The following DIAPH2 variants were observed in gnomAD, a reference collection of about 807,000 sequenced individuals.
DIAPH2 encodes protein diaphanous homolog 2.
A neutral mutation model predicts 92.7 loss-of-function variants in DIAPH2; 35 were observed. The observed-to-expected ratio is 0.38, with a 90% CI of 0.29 to 0.50. The LOEUF (loss-of-function observed/expected upper bound fraction) is 0.50, where lower values mean the gene tolerates loss of function less well. Ranked by LOEUF, DIAPH2 falls within the 20% of genes least tolerant of loss-of-function variation. The pLI, the probability that DIAPH2 is intolerant of heterozygous loss-of-function variation, is 0.94. For synonymous variants in DIAPH2, 301 were observed against 280.4 expected, an observed-to-expected ratio of 1.07 and a Z score of -0.73; for missense variants, 701 against 819.5, an observed-to-expected ratio of 0.86 and a Z score of 1.77.
intron 21 of DIAPH2, among the ~76,000 whole-genome samples, chrX:97,126,248 A>G (rs909438371): frequency 8.9e-6 from 1 of 111,856 alleles, no homozygotes; most frequent in African/African-American, 3.2e-5. Flanking sequence ...CATAGCTACC[A>G]TGACTAAGTT....
chrX:97,010,192 C>T (rs1002579382), intron 17 of DIAPH2, among the ~76,000 whole-genome samples: 1 of 111,701 alleles, frequency 9.0e-6, no homozygotes, highest in Non-Finnish European at 1.9e-5. Flanking sequence ...CTGAGTTCTA[C>T]CCCATATTGC....
At chrX:97,084,392 C>T (rs1022582964) in intron 19 of DIAPH2, among the ~76,000 whole-genome samples, 1 of 111,780 alleles carries the variant, frequency 8.9e-6, no homozygotes, top group African/African-American at 3.2e-5. Flanking sequence ...AGGAACAGTA[C>T]AGTTACAATT....
At chrX:97,150,160 G>C (rs1266155979) in intron 22 of DIAPH2, among the ~76,000 whole-genome samples, 1 of 111,664 alleles carries the variant, frequency 9.0e-6, no homozygotes, top group African/African-American at 3.3e-5. Context: ...GATAAGCTCA[G>C]GAAAATGTAT....
intron 23 of DIAPH2, among the ~76,000 whole-genome samples, chrX:97,336,345 C>T (rs780669186): frequency 9.4e-6 from 1 of 106,162 alleles, no homozygotes; most frequent in South Asian, 4.4e-4. Flanking sequence ...CCCGGGTTCA[C>T]GCCGGTTCTC....
intron 24 of DIAPH2, among the ~76,000 whole-genome samples, chrX:97,374,409 C>T (rs2069479531): frequency 8.9e-6 from 1 of 111,843 alleles, no homozygotes; most frequent in East Asian, 2.8e-4. Context: ...TACTGAGGCA[C>T]CTAACTACTT....
At chrX:97,141,984 C>T (rs765002166) in intron 22 of DIAPH2, among the ~76,000 whole-genome samples, 190 bp downstream of exon 22, 1 of 111,945 alleles carries the variant, frequency 8.9e-6, no homozygotes, top group South Asian at 3.7e-4. Flanking sequence ...TTTTGTCTTA[C>T]ATCATTTTTT....
intron 17 of DIAPH2, among the ~76,000 whole-genome samples, chrX:97,001,157 T>C (rs2066141034): frequency 8.9e-6 from 1 of 112,084 alleles, no homozygotes; most frequent in African/African-American, 3.2e-5. Context: ...TGTTTCTAGC[T>C]TTTTGAAGGT....
chrX:97,439,892 G>A (rs2070235698), intron 26 of DIAPH2, among the ~76,000 whole-genome samples: 1 of 111,404 alleles, frequency 9.0e-6, no homozygotes, highest in African/African-American at 3.3e-5. Flanking sequence ...GGAAGCAGGT[G>A]GTCGAATAGG....
chrX:97,550,183 A>T (rs2082971793), intron 26 of DIAPH2, among the ~76,000 whole-genome samples: 1 of 111,184 alleles, frequency 9.0e-6, no homozygotes, highest in Non-Finnish European at 1.9e-5. Context: ...ACACGATGAA[A>T]CCTTGTCTCT....
At chrX:96,747,075 A>G (rs1430395404) in intron 3 of DIAPH2, among the ~76,000 whole-genome samples, 1 of 111,883 alleles carries the variant, frequency 8.9e-6, no homozygotes, top group Non-Finnish European at 1.9e-5. Flanking sequence ...TACATTGAGT[A>G]TACTGCTTAG....
At chrX:97,053,168 G>A (rs2066532507) in intron 17 of DIAPH2, among the ~76,000 whole-genome samples, 1 of 110,632 alleles carries the variant, frequency 9.0e-6, no homozygotes, top group East Asian at 2.8e-4. Context: ...GGTTTCTATT[G>A]CCCCATACTT....
chrX:97,349,123 C>T (rs1342912706), intron 24 of DIAPH2, among the ~76,000 whole-genome samples: 3 of 100,061 alleles, frequency 3.0e-5, no homozygotes, highest in Non-Finnish European at 6.0e-5. Flanking sequence ...GAATCTTGCT[C>T]TGTTGCCCAG....
At chrX:97,579,485 C>T (rs1398013299) in intron 26 of DIAPH2, among the ~76,000 whole-genome samples, 2 of 110,912 alleles carry the variant, frequency 1.8e-5, no homozygotes, top group Non-Finnish European at 3.8e-5. Context: ...TGTAGATAGG[C>T]GGCGTTATTT....
At chrX:96,716,063 A>T (rs963987707) in intron 1 of DIAPH2, among the ~76,000 whole-genome samples, 1 of 111,362 alleles carries the variant, frequency 9.0e-6, no homozygotes, top group East Asian at 2.8e-4. Flanking sequence ...CCTTAGTGTT[A>T]ACACATCTCA....
intron 7 of DIAPH2, among the ~76,000 whole-genome samples, chrX:96,914,571 C>G (rs1477614688): frequency 9.0e-6 from 1 of 110,831 alleles, no homozygotes; most frequent in Non-Finnish European, 1.9e-5. Context: ...TTCTTATTGA[C>G]TCATGTTGTC....
chrX:96,898,679 C>T (rs2065367059), intron 5 of DIAPH2, among the ~76,000 whole-genome samples: 1 of 107,183 alleles, frequency 9.3e-6, no homozygotes. Context: ...TTGTAGGTTG[C>T]CTGTTCACTC....
intron 17 of DIAPH2, among the ~76,000 whole-genome samples, chrX:96,988,086 AAT>A (rs535789884): frequency 1.8e-5 from 2 of 108,868 alleles, no homozygotes; most frequent in Non-Finnish European, 1.9e-5. Context: ...TATATTTAGA[AAT>A]ATATATATAT....
chrX:96,909,297 T>C (rs1344049381), intron 5 of DIAPH2, among the ~76,000 whole-genome samples: 5 of 111,263 alleles, frequency 4.5e-5, no homozygotes, highest in Non-Finnish European at 9.4e-5. Context: ...GAGCCAACAT[T>C]TTGTTTTTAA....
In DIAPH2 at chrX:96,875,898, A is replaced by C. The variant is rs890107613; in HGVS notation, c.448-5681A>C. Among the ~76,000 whole-genome samples, 5 of 111,367 alleles carry C rather than the reference A, an allele frequency of 4.5e-5. No homozygotes were observed. In the South Asian group the frequency reaches 1.1e-3, roughly 25 times the overall value. On this transcript the variant is annotated intron_variant, in intron 4 of 26. Transcript: ENST00000324765. ...ACACCAAAAGCAATGGCAACAAAAGACAAAATTGACAAATGGGATCTAATT... is the reference window on the plus strand; with the variant it reads ...ACACCAAAAGCAATGGCAACAAAAGCCAAAATTGACAAATGGGATCTAATT...
Sources: gnomAD v4.1 joint callset for allele counts (sites outside exome capture counted in the v4.1 genomes callset) on GRCh38, gnomAD v4.1.1 for gene constraint, MANE v1.5 for transcripts, NCBI Gene and HGNC (gene_info 2026-07-23, HGNC 2026-07-21) for gene names.